FOXK2: variants seen among roughly 807,000 people sequenced by gnomAD.
FOXK2 encodes forkhead box K2, also known as forkhead box protein K2.
In FOXK2, 24 loss-of-function variants were observed where a neutral mutation model predicts 53.3. The observed-to-expected ratio is 0.45, with a 90% CI of 0.33 to 0.63. The LOEUF (loss-of-function observed/expected upper bound fraction) is 0.63, where lower values mean the gene tolerates loss of function less well. FOXK2 is among the 30% of genes least tolerant of loss of function. FOXK2 has a pLI of 0.03. For missense variants in FOXK2, 952 were observed against 910.5 expected (o/e 1.05, Z -0.59); for synonymous variants, 505 against 407.1 (o/e 1.24, Z -2.89).
chr17:82,541,061 G>A (rs760104111), intron 1 of FOXK2, among the ~76,000 whole-genome samples: 25 of 152,182 alleles, frequency 1.6e-4, no homozygotes, highest in Admixed American at 7.2e-4. Flanking sequence ...GTTGGAGGGT[G>A]TTTGAGACCA....
At chr17:82,570,490 C>T (rs1303724781) in intron 3 of FOXK2, among the ~76,000 whole-genome samples, 2 of 152,084 alleles carry the variant, frequency 1.3e-5, no homozygotes, top group Non-Finnish European at 1.5e-5. Context: ...GAGACCGTGT[C>T]CCCAGAAAAG....
chr17:82,597,426 G>T (rs2045326017), intron 8 of FOXK2, among the ~76,000 whole-genome samples: 1 of 152,114 alleles, frequency 6.6e-6, no homozygotes, highest in Non-Finnish European at 1.5e-5. Flanking sequence ...TCCCTCCCCA[G>T]CTCCGGCACC....
In FOXK2 at chr17:82,601,770, C is replaced by A; in HGVS notation, c.*271C>A. ...ACCTACGAGTGAAACTCTGTCCTCC[C>A]GCGAGGACCAGGCATCGCTGTGTGA... On this transcript the variant is annotated 3_prime_UTR_variant, in exon 9 of 9. Transcript: ENST00000335255. The A allele has an allele frequency of 2.8e-6, 1 of 361,790 alleles. No individual in the cohort carries two copies. The highest frequency in any genetic ancestry group is 5.1e-6 in the Non-Finnish European group (1 of 195,298). 22.4% of individuals were successfully genotyped at this position (361,790 alleles called of 1,614,324 possible).
chr17:82,539,674 A>T (rs1001073211), intron 1 of FOXK2, among the ~76,000 whole-genome samples: 4 of 138,554 alleles, frequency 2.9e-5, no homozygotes, highest in African/African-American at 1.1e-4. Context: ...TAAAAAATAT[A>T]TGTAAATGGG....
chr17:82,592,525 G>A (rs750105408), intron 8 of FOXK2, among the ~76,000 whole-genome samples: 5 of 152,206 alleles, frequency 3.3e-5, no homozygotes, highest in Non-Finnish European at 5.9e-5. Flanking sequence ...GACCAGCCCT[G>A]CTGGGAAGCC....
At chr17:82,600,340 C>T (rs1271521085) in intron 8 of FOXK2, 4 of 152,376 alleles carry the variant, frequency 2.6e-5, no homozygotes, top group East Asian at 3.9e-4. Flanking sequence ...CTGCCAAGCT[C>T]AGCATCTGCA....
rs527619284 is a variant in FOXK2 at position 82,524,389 on chromosome 17, GTAGTT to G, written c.419+4086_419+4090del. Among the ~76,000 whole-genome samples, 20 of 152,300 alleles carry G rather than the reference GTAGTT, an allele frequency of 1.3e-4. No homozygotes were observed. The East Asian group carries it at 3.5e-3, about 26-fold the overall frequency. ...TCAGAAAATTTGCAAGAGTACATAAGTAGTTTAGGTTTAAAATTTGGCTCATTTCA... is the reference window on the plus strand; with the variant it reads ...TCAGAAAATTTGCAAGAGTACATAAGTAGGTTTAAAATTTGGCTCATTTCA... On this transcript the variant is annotated intron_variant, in intron 1 of 8. Transcript: ENST00000335255.
At chr17:82,547,330 A>G (rs1322996371) in intron 1 of FOXK2, among the ~76,000 whole-genome samples, 1 of 152,166 alleles carries the variant, frequency 6.6e-6, no homozygotes, top group African/African-American at 2.4e-5. Context: ...CCACATTGGA[A>G]AAAGTATTGT....
intron 1 of FOXK2, 61 bp from the exon 2 acceptor site, chr17:82,563,293 G>T: frequency 6.6e-7 from 1 of 1,520,172 alleles, no homozygotes; most frequent in South Asian, 1.2e-5. Context: ...GACATGTGGG[G>T]ACTCTGCCCT....
intron 2 of FOXK2, among the ~76,000 whole-genome samples, chr17:82,563,751 CT>C (rs1491377208): frequency 7.6e-6 from 1 of 132,156 alleles, no homozygotes; most frequent in African/African-American, 3.0e-5. Context: ...TACTCATTCC[CT>C]TTTTTTTTTT....
At chr17:82,556,101 G>T (rs1227478156) in intron 1 of FOXK2, among the ~76,000 whole-genome samples, 1 of 152,072 alleles carries the variant, frequency 6.6e-6, no homozygotes, top group Admixed American at 6.6e-5. Context: ...TGCAACTGAT[G>T]CATTTTTACA....
At chr17:82,596,001 A>T in intron 8 of FOXK2, 3 of 1,158,036 alleles carry the variant, frequency 2.6e-6, no homozygotes, top group Non-Finnish European at 3.3e-6. Context: ...GAGAAAGGCC[A>T]CTGGAAACCA....
At chr17:82,544,283 A>G (rs531635747) in intron 1 of FOXK2, among the ~76,000 whole-genome samples, 1 of 152,376 alleles carries the variant, frequency 6.6e-6, no homozygotes, top group East Asian at 1.9e-4. Flanking sequence ...GTTAGTGACA[A>G]CAACAAAAAT....
intron 1 of FOXK2, among the ~76,000 whole-genome samples, chr17:82,545,419 G>A (rs773688042): frequency 6.6e-6 from 1 of 152,086 alleles, no homozygotes; most frequent in East Asian, 1.9e-4. Flanking sequence ...ATTTTTGCAC[G>A]TAGCTATTGG....
At chr17:82,544,763 T>G (rs1290237614) in intron 1 of FOXK2, among the ~76,000 whole-genome samples, 2 of 152,246 alleles carry the variant, frequency 1.3e-5, no homozygotes, top group African/African-American at 4.8e-5. Flanking sequence ...CAAGTCGCTG[T>G]GGGAGGGGTG....
Position 82,601,729 on chromosome 17 carries a change from G to C in FOXK2, c.*230G>C. On this transcript the variant is annotated 3_prime_UTR_variant, in exon 9 of 9. Transcript: ENST00000335255. ...GAGACGGTGTCTCCACTGAGCACCT[G>C]CTGGGCTGAGCTTCTACCTACGAGT... 2.2e-6 allele frequency: 1 copy of C among 459,024 alleles called. No homozygotes were observed. Among genetic ancestry groups the C allele is most frequent in the East Asian group, 3.3e-5 (1 of 30,044 alleles). 28.4% of individuals were successfully genotyped at this position (459,024 alleles called of 1,614,324 possible).
chr17:82,535,493 T>G (rs1364012912), intron 1 of FOXK2, among the ~76,000 whole-genome samples: 1 of 152,194 alleles, frequency 6.6e-6, no homozygotes, highest in African/African-American at 2.4e-5. Context: ...TCTGCTCGTC[T>G]TCTTTGTTCT....
chr17:82,524,302 A>G (rs1156643478), intron 1 of FOXK2, among the ~76,000 whole-genome samples: 4 of 152,380 alleles, frequency 2.6e-5, no homozygotes, highest in Non-Finnish European at 4.4e-5. Flanking sequence ...TTGAACCACA[A>G]TGATTTTATT....
intron 3 of FOXK2, 106 bp from the exon 4 acceptor site, chr17:82,571,618 G>A (rs752285387): frequency 1.5e-4 from 178 of 1,159,698 alleles, no homozygotes; most frequent in Non-Finnish European, 1.9e-4. Flanking sequence ...AGACAAATGA[G>A]GTATCAGAGG....
Sources: allele counts gnomAD v4.1 joint callset (sites outside exome capture counted in the v4.1 genomes callset), GRCh38; gene constraint gnomAD v4.1.1; transcripts MANE v1.5; gene names NCBI Gene and HGNC (gene_info 2026-07-23, HGNC 2026-07-21).